The following RAB31 variants were observed in gnomAD, a reference collection of about 807,000 sequenced individuals.
RAB31 encodes the protein RAB31, member RAS oncogene family.
Under a neutral mutation model 25.6 loss-of-function variants are expected in RAB31, and 21 were observed. That is an observed-to-expected ratio of 0.82 (90% CI 0.58 to 1.18). The LOEUF is 1.18. RAB31 is among the 50% of genes most tolerant of loss of function. RAB31 has a pLI of 0.00. For synonymous variants in RAB31, 87 were observed against 84.0 expected (o/e 1.04, Z -0.20); for missense variants, 196 against 250.1 (o/e 0.78, Z 1.46).
At chr18:9,761,138 A>G (rs1392391521) in intron 1 of RAB31, among the ~76,000 whole-genome samples, 2 of 152,078 alleles carry the variant, frequency 1.3e-5, no homozygotes, top group Non-Finnish European at 2.9e-5. Flanking sequence ...TGTTTAAATC[A>G]CTCTAAATAG....
intron 6 of RAB31, among the ~76,000 whole-genome samples, chr18:9,848,571 T>C (rs2068773498): frequency 6.6e-6 from 1 of 152,248 alleles, no homozygotes; most frequent in Non-Finnish European, 1.5e-5. Context: ...CTAAATATAC[T>C]GCAGCAGACT....
At chr18:9,784,314 A>G (rs1433473674) in intron 2 of RAB31, among the ~76,000 whole-genome samples, 1 of 152,032 alleles carries the variant, frequency 6.6e-6, no homozygotes, top group African/African-American at 2.4e-5. Context: ...TGCTGGGATT[A>G]CAGGTGTCAG....
At chr18:9,855,301 A>C (rs1034913327) in intron 6 of RAB31, among the ~76,000 whole-genome samples, 8 of 152,196 alleles carry the variant, frequency 5.3e-5, no homozygotes, top group Admixed American at 6.5e-5. Flanking sequence ...TACAAAATCC[A>C]AACCCTATTA....
chr18:9,709,010 G>C (rs1208872561), intron 1 of RAB31, among the ~76,000 whole-genome samples: 1 of 152,204 alleles, frequency 6.6e-6, no homozygotes, highest in East Asian at 1.9e-4. Flanking sequence ...AGCCAAGGGG[G>C]TGAAAGCCGA....
chr18:9,733,547 C>T (rs1337438321), intron 1 of RAB31, among the ~76,000 whole-genome samples: 1 of 152,180 alleles, frequency 6.6e-6, no homozygotes, highest in African/African-American at 2.4e-5. Context: ...CTTAATAGCT[C>T]GGCCTAGAAT....
intron 3 of RAB31, among the ~76,000 whole-genome samples, chr18:9,803,787 G>C (rs2068525678): frequency 6.6e-6 from 1 of 152,226 alleles, no homozygotes; most frequent in African/African-American, 2.4e-5. Flanking sequence ...AGGGGCATGA[G>C]GGGACCCTGA....
Position 9,736,154 on chromosome 18 carries a change from T to A in RAB31, c.39+27710T>A, listed in dbSNP as rs561971799. 8.5e-5 allele frequency among the ~76,000 whole-genome samples: 13 copies of A among 152,092 alleles called. 1 individual carries two copies. The highest frequency in any genetic ancestry group is 6.2e-4 in the South Asian group (3 of 4,816). Reference sequence around the variant, plus strand: ...GCCTGGCTAATTTTTCATTAAAAATTTTTTTTAGAGGGTCTTGCTAGGTTG... The same window carrying A: ...GCCTGGCTAATTTTTCATTAAAAATATTTTTTAGAGGGTCTTGCTAGGTTG... On this transcript the variant is annotated intron_variant, in intron 1 of 6. Coordinates refer to ENST00000578921, the MANE Select transcript of RAB31 (RefSeq NM_006868.4).
intron 1 of RAB31, among the ~76,000 whole-genome samples, chr18:9,772,607 A>G (rs72955254): frequency 6.6e-6 from 1 of 152,236 alleles, no homozygotes; most frequent in African/African-American, 2.4e-5. Context: ...GAGTGAATGA[A>G]CGATTGAATG....
chr18:9,727,594 G>T (rs556052510), intron 1 of RAB31, among the ~76,000 whole-genome samples: 1 of 152,328 alleles, frequency 6.6e-6, no homozygotes, highest in South Asian at 2.1e-4. Flanking sequence ...GGGATTATAG[G>T]CATGAACCAC....
intron 1 of RAB31, among the ~76,000 whole-genome samples, chr18:9,734,316 C>T (rs1179593932): frequency 6.6e-6 from 1 of 152,148 alleles, no homozygotes; most frequent in Non-Finnish European, 1.5e-5. Flanking sequence ...CTCAGGGCCC[C>T]GCAGCCAGTA....
At chr18:9,793,489 T>C (rs532926297) in intron 3 of RAB31, among the ~76,000 whole-genome samples, 5 of 152,102 alleles carry the variant, frequency 3.3e-5, no homozygotes, top group East Asian at 2.0e-4. Context: ...AGTGAAACCC[T>C]GTCTCTACTA....
chr18:9,784,059 C>T (rs1163353046), intron 2 of RAB31, among the ~76,000 whole-genome samples: 1 of 152,126 alleles, frequency 6.6e-6, no homozygotes, highest in African/African-American at 2.4e-5. Flanking sequence ...TTTTTAGAGA[C>T]AGAGCATTGC....
chr18:9,774,144 C>T lies in RAB31; in HGVS notation c.40-1134C>T, dbSNP rs139578626. The stretch of plus-strand genomic sequence containing the variant: ...CTCTGTTTGTATTGGGGCTTGTCAA[C>T]TGCTGCACACATGGCCTTTGGTTAG... On this transcript the variant is annotated intron_variant, in intron 1 of 6. Coordinates refer to ENST00000578921, the MANE Select transcript of RAB31 (RefSeq NM_006868.4). 2.0e-5 allele frequency among the ~76,000 whole-genome samples: 3 copies of T among 152,254 alleles called. No homozygotes were observed. In the East Asian group the frequency reaches 5.8e-4, roughly 29 times the overall value.
chr18:9,810,176 G>A (rs1378654127), intron 3 of RAB31, among the ~76,000 whole-genome samples: 1 of 152,238 alleles, frequency 6.6e-6, no homozygotes, highest in Non-Finnish European at 1.5e-5. Context: ...TTGCTGGGTA[G>A]TCAGGGAAGA....
intron 1 of RAB31, among the ~76,000 whole-genome samples, chr18:9,719,843 T>C (rs2068065625): frequency 6.6e-6 from 1 of 152,210 alleles, no homozygotes; most frequent in Admixed American, 6.5e-5. Context: ...AACCCTGCTT[T>C]TCACTTGCTC....
chr18:9,837,873 T>G (rs1022584732), intron 5 of RAB31, among the ~76,000 whole-genome samples: 2 of 152,158 alleles, frequency 1.3e-5, no homozygotes. Flanking sequence ...TTCTATGGAA[T>G]GTTGATAATT....
intron 5 of RAB31, among the ~76,000 whole-genome samples, chr18:9,838,984 T>C (rs1035531981): frequency 1.3e-5 from 2 of 152,216 alleles, no homozygotes; most frequent in African/African-American, 2.4e-5. Context: ...GTGATTTTTG[T>C]CATCTAGTCA....
Position 9,746,983 on chromosome 18 carries a change from C to T in RAB31, c.40-28295C>T, listed in dbSNP as rs1047846740. On this transcript the variant is annotated intron_variant, in intron 1 of 6. Transcript: ENST00000578921. ...ATTAAGAAAGTGAAAAGACAGCCTA[C>T]AGAATGAGAGAAAATATTTACAAAT... is the stretch of plus-strand genomic sequence containing the variant. Among the ~76,000 whole-genome samples the T allele has an allele frequency of 2.0e-5, 3 of 152,272 alleles. No homozygotes were observed. The South Asian group carries it at 6.2e-4, about 32-fold the overall frequency.
intron 5 of RAB31, among the ~76,000 whole-genome samples, chr18:9,832,990 G>C (rs756160797): frequency 2.0e-5 from 3 of 152,232 alleles, no homozygotes; most frequent in Non-Finnish European, 4.4e-5. Context: ...GGGGTCTCAC[G>C]GGAGTCCACG....
Sources: allele counts gnomAD v4.1 joint callset (sites outside exome capture counted in the v4.1 genomes callset), GRCh38; gene constraint gnomAD v4.1.1; transcripts MANE v1.5; gene names NCBI Gene and HGNC (gene_info 2026-07-23, HGNC 2026-07-21).